Variants in PHACTR4 observed in about 807,000 individuals in gnomAD.
The protein encoded by PHACTR4 is protein phosphatase 1, regulatory subunit 124.
PHACTR4 carries 51 observed loss-of-function variants against 72.7 expected under a neutral mutation model. The observed-to-expected ratio is 0.70, with a 90% CI of 0.56 to 0.89. The LOEUF (loss-of-function observed/expected upper bound fraction) is 0.89. Ranked by LOEUF, PHACTR4 falls within the 40% of genes least tolerant of loss-of-function variation. The pLI is 0.00. For synonymous variants in PHACTR4, 255 were observed against 302.5 expected (o/e 0.84, Z 1.63); for missense variants, 731 against 861.8 (o/e 0.85, Z 1.90).
At chr1:28,432,821 A>G (rs1257121254) in intron 2 of PHACTR4, 3 of 152,168 alleles carry the variant, frequency 2.0e-5, no homozygotes, top group Admixed American at 1.3e-4. Context: ...GCTCACTGCA[A>G]CTTCGCATCC....
chr1:28,451,768 C>G (rs969883968), intron 2 of PHACTR4, among the ~76,000 whole-genome samples: 1 of 152,008 alleles, frequency 6.6e-6, no homozygotes. Flanking sequence ...CCCAGCCTCC[C>G]AAGTAGCTAA....
chr1:28,381,360 G>A (rs1420588432), intron 1 of PHACTR4, among the ~76,000 whole-genome samples: 11 of 139,976 alleles, frequency 7.9e-5, no homozygotes, highest in South Asian at 2.2e-4. Context: ...GTGCAGTGGC[G>A]TGATCTCAGC....
chr1:28,447,290 G>A (rs1253455512), intron 2 of PHACTR4, among the ~76,000 whole-genome samples: 1 of 152,122 alleles, frequency 6.6e-6, no homozygotes, highest in Non-Finnish European at 1.5e-5. Context: ...GGGATTACAG[G>A]TGTGAGCCAC....
rs752524909 is a variant in PHACTR4 at position 28,493,095 on chromosome 1, A to G, written c.2093+4A>G. On this transcript the variant is annotated splice_donor_region_variant and intron_variant, in intron 13 of 13. Coordinates refer to ENST00000373839, the MANE Select transcript of PHACTR4 (RefSeq NM_001048183.3). ...AAGAGAGCAAACATTTTACACGGTA[A>G]GACCCAAAAGACCCAATCATATATG... The G allele has an allele frequency of 3.7e-6, 6 of 1,605,486 alleles. No homozygotes were observed. The Admixed American group carries it at 1.0e-4, about 27-fold the overall frequency.
intron 8 of PHACTR4, among the ~76,000 whole-genome samples, chr1:28,479,136 C>T (rs1660106183): frequency 6.6e-6 from 1 of 151,928 alleles, no homozygotes. Flanking sequence ...ATTAGCCAGG[C>T]ATGGCTGGCC....
Position 28,491,733 on chromosome 1 carries a change from A to C in PHACTR4, c.1962A>C (p.Gln654His), listed in dbSNP as rs1661050240. Residue 654 changes from glutamine to histidine, a missense_variant, in exon 12 of 14, where the codon CAA becomes CAC. Transcript: ENST00000373839. ...FNEYVEVTDA[Q>H]DYDRRADKPW... is the part of the protein sequence containing the mutation. ...AATATGTAGAGGTAACAGATGCTCA[A>C]GATTATGACCGGCGAGCCGACAAAC... The C allele has an allele frequency of 6.2e-7, 1 of 1,614,102 alleles. No homozygotes were observed. The highest frequency in any genetic ancestry group is 1.7e-5 in the Admixed American group (1 of 59,994).
chr1:28,401,739 C>G (rs1298532523), intron 1 of PHACTR4, among the ~76,000 whole-genome samples: 1 of 152,112 alleles, frequency 6.6e-6, no homozygotes, highest in Non-Finnish European at 1.5e-5. Flanking sequence ...GCTAGGACTA[C>G]AGGCACGCAC....
chr1:28,398,010 G>A (rs1653652469), intron 1 of PHACTR4, among the ~76,000 whole-genome samples: 1 of 152,026 alleles, frequency 6.6e-6, no homozygotes, highest in South Asian at 2.1e-4. Context: ...ACCGCCGCTG[G>A]CCTAATTTTT....
chr1:28,419,372 GTAGA>G (rs1655352686), intron 2 of PHACTR4, among the ~76,000 whole-genome samples: 3 of 151,552 alleles, frequency 2.0e-5, no homozygotes, highest in Admixed American at 1.3e-4. Context: ...TAAGGATTAT[GTAGA>G]TATATTATCA....
intron 4 of PHACTR4, among the ~76,000 whole-genome samples, chr1:28,464,548 C>G (rs963942015): frequency 1.3e-5 from 2 of 152,182 alleles, no homozygotes; most frequent in Non-Finnish European, 2.9e-5. Flanking sequence ...ACCATCTCAA[C>G]TCCAGCTCAG....
chr1:28,397,101 T>A (rs2124226313), intron 1 of PHACTR4, among the ~76,000 whole-genome samples: 1 of 152,248 alleles, frequency 6.6e-6, no homozygotes, highest in East Asian at 1.9e-4. Context: ...TTTTAGACAT[T>A]GTGTATTTTG....
intron 2 of PHACTR4, among the ~76,000 whole-genome samples, chr1:28,443,882 A>G (rs1251046861): frequency 6.6e-6 from 1 of 152,150 alleles, no homozygotes; most frequent in Admixed American, 6.6e-5. Context: ...ACTACAGTAA[A>G]CATGGAAGTG....
chr1:28,466,613 T>G lies in PHACTR4; in HGVS notation c.668T>G (p.Leu223Arg), dbSNP rs1659186232. 6.2e-7 allele frequency: 1 copy of G among 1,613,774 alleles called. No homozygotes were observed. The highest frequency in any genetic ancestry group is 1.1e-5 in the South Asian group (1 of 91,072). The change falls in exon 6 of 14, where the codon CTC (leucine) becomes CGC (arginine). Residue 223 changes from leucine to arginine, a missense_variant. Coordinates refer to ENST00000373839, the MANE Select transcript of PHACTR4 (RefSeq NM_001048183.3). ...AATSLAKTVN[L>R]SVTPSPAPRT... Reference sequence around the variant, plus strand: ...ACAAGCCTTGCAAAGACTGTTAATCTCTCTGTCACCCCTTCCCCAGCACCC... The same window carrying G: ...ACAAGCCTTGCAAAGACTGTTAATCGCTCTGTCACCCCTTCCCCAGCACCC...
intron 1 of PHACTR4, among the ~76,000 whole-genome samples, chr1:28,402,615 C>T (rs897032071): frequency 6.6e-6 from 1 of 152,052 alleles, no homozygotes; most frequent in Admixed American, 6.6e-5. Flanking sequence ...TTAGGCCGGG[C>T]ACCTAATTTG....
In PHACTR4 at chr1:28,497,826, C is replaced by T. The variant is rs1406740611; in HGVS notation, c.*1277C>T. 3.9e-5 allele frequency: 6 copies of T among 152,008 alleles called. No homozygotes were observed. The highest frequency in any genetic ancestry group is 4.4e-5 in the Non-Finnish European group (3 of 68,054). The allele number at this position is 152,008 out of a possible 1,614,324, so 9.4% of individuals were successfully genotyped here. A position where few individuals can be genotyped will look rare whatever the true frequency, so the allele number is the denominator to read the frequency against. On this transcript the variant is annotated 3_prime_UTR_variant, in exon 14 of 14. Coordinates refer to ENST00000373839, the MANE Select transcript of PHACTR4 (RefSeq NM_001048183.3). ...TGGCCAACATGGCAAAACCCTGTCT[C>T]TACTAAAAAGTAAAAAAAATTAGCC...
intron 4 of PHACTR4, 78 bp from the exon 5 acceptor site, chr1:28,465,607 A>G (rs1570041184): frequency 1.1e-5 from 16 of 1,429,388 alleles, no homozygotes; most frequent in Non-Finnish European, 1.5e-5. Context: ...AGAGAGAAAG[A>G]AAAAAAGAAA....
chr1:28,471,120 G>A (rs965575359), intron 6 of PHACTR4, among the ~76,000 whole-genome samples: 2 of 152,150 alleles, frequency 1.3e-5, no homozygotes, highest in African/African-American at 4.8e-5. Context: ...GGCCGAGGCG[G>A]GTGGATCACC....
At chr1:28,415,104 A>T (rs1655023032) in intron 2 of PHACTR4, among the ~76,000 whole-genome samples, 1 of 151,984 alleles carries the variant, frequency 6.6e-6, no homozygotes, top group Non-Finnish European at 1.5e-5. Flanking sequence ...CTACTAAAAT[A>T]CAAAAAATTA....
intron 1 of PHACTR4, among the ~76,000 whole-genome samples, chr1:28,382,637 A>G (rs1356244169): frequency 1.3e-5 from 2 of 151,768 alleles, no homozygotes; most frequent in African/African-American, 2.4e-5. Flanking sequence ...TATGTCCAGA[A>G]TGGTATTGCC....
Sources: gnomAD v4.1 joint callset for allele counts (sites outside exome capture counted in the v4.1 genomes callset) on GRCh38, gnomAD v4.1.1 for gene constraint, MANE v1.5 for transcripts, NCBI Gene and HGNC (gene_info 2026-07-23, HGNC 2026-07-21) for gene names.